The following GLRB variants were observed in gnomAD, a reference collection of about 807,000 sequenced individuals.
GLRB encodes the protein glycine receptor subunit beta.
In GLRB, 33 loss-of-function variants were observed where a neutral mutation model predicts 54.2. The ratio of observed to expected loss-of-function variants is 0.61; its 90% CI spans 0.46 to 0.81. The LOEUF (loss-of-function observed/expected upper bound fraction) is 0.81, where lower values mean the gene tolerates loss of function less well. Among genes scored for constraint, GLRB ranks in the 40% least tolerant of loss-of-function variants. The pLI, the probability that GLRB is intolerant of heterozygous loss-of-function variation, is 0.00. For missense variants in GLRB, 572 were observed against 584.6 expected (o/e 0.98, Z 0.22); for synonymous variants, 209 against 208.2 (o/e 1.00, Z -0.03).
chr4:157,158,896 C>T (rs1222429970), intron 9 of GLRB, among the ~76,000 whole-genome samples: 1 of 152,080 alleles, frequency 6.6e-6, no homozygotes, highest in East Asian at 1.9e-4. Flanking sequence ...GATGGGATGG[C>T]ATTGAATCTA....
At chr4:157,165,909 T>TG (rs1737689500) in intron 9 of GLRB, among the ~76,000 whole-genome samples, 3 of 152,054 alleles carry the variant, frequency 2.0e-5, no homozygotes, top group Non-Finnish European at 2.9e-5. Context: ...AATGATTTAA[T>TG]GGACTTAAAT....
intron 9 of GLRB, 127 bp downstream of exon 9, chr4:157,153,137 AAAAC>A: frequency 1.2e-6 from 1 of 853,980 alleles, no homozygotes; most frequent in Admixed American, 2.0e-5. Flanking sequence ...CTCACAGATG[AAAAC>A]AAACTGAGCA....
At chr4:157,169,520 C>A (rs1737839482) in intron 9 of GLRB, among the ~76,000 whole-genome samples, 1 of 152,084 alleles carries the variant, frequency 6.6e-6, no homozygotes, top group Non-Finnish European at 1.5e-5. Context: ...CAAGTCCCTG[C>A]AGTCTGCCCT....
chr4:157,156,656 A>G (rs1560974225), intron 9 of GLRB, among the ~76,000 whole-genome samples: 1 of 151,918 alleles, frequency 6.6e-6, no homozygotes, highest in South Asian at 2.1e-4. Flanking sequence ...TGAGTTTTAC[A>G]GTTTCCATTT....
chr4:157,167,082 A>T (rs559651646), intron 9 of GLRB, among the ~76,000 whole-genome samples: 1 of 152,268 alleles, frequency 6.6e-6, no homozygotes, highest in South Asian at 2.1e-4. Context: ...TTCTAAATAT[A>T]CTTGGTTTTA....
chr4:157,117,244 A>G (rs750954319), intron 2 of GLRB, among the ~76,000 whole-genome samples: 12 of 151,710 alleles, frequency 7.9e-5, no homozygotes, highest in African/African-American at 2.9e-4. Flanking sequence ...CACTTACACT[A>G]TGGCAGGCTT....
intron 9 of GLRB, among the ~76,000 whole-genome samples, chr4:157,154,423 CTTTTTTT>C (rs778002566): frequency 1.9e-5 from 2 of 103,462 alleles, no homozygotes; most frequent in Non-Finnish European, 3.9e-5. Context: ...CTTCTTTTTC[CTTTTTTT>C]TTTTTTTTTT....
At position 157,171,272 on chromosome 4, in the gene GLRB, T is replaced by C. The variant is rs1737913633; in HGVS notation, c.*544T>C. On this transcript the variant is annotated 3_prime_UTR_variant, in exon 10 of 10. Transcript: ENST00000264428. ...CTGTGGAGAAATAAAGTTCAAAATA[T>C]ATTAATTTGTAAAATCAGCTCGTTT... 1 of 152,256 alleles carries C rather than the reference T, an allele frequency of 6.6e-6. No homozygotes were observed. Among genetic ancestry groups the C allele is most frequent in the African/African-American group, 2.4e-5 (1 of 41,446 alleles). The allele number at this position is 152,256 out of a possible 1,614,324, so 9.4% of individuals were successfully genotyped here. A position where few individuals can be genotyped will look rare whatever the true frequency, so the allele number is the denominator to read the frequency against.
intron 2 of GLRB, among the ~76,000 whole-genome samples, chr4:157,105,618 G>A (rs1402113375): frequency 6.6e-6 from 1 of 151,972 alleles, no homozygotes; most frequent in East Asian, 1.9e-4. Context: ...GGGTATTGAA[G>A]TCTCCTGCTA....
chr4:157,111,502 T>C (rs903787291), intron 2 of GLRB, among the ~76,000 whole-genome samples: 2 of 151,984 alleles, frequency 1.3e-5, no homozygotes, highest in African/African-American at 2.4e-5. Context: ...GATTATATTA[T>C]GCTGTGCTGG....
At chr4:157,162,191 T>G (rs1488466466) in intron 9 of GLRB, among the ~76,000 whole-genome samples, 1 of 152,228 alleles carries the variant, frequency 6.6e-6, no homozygotes, top group Non-Finnish European at 1.5e-5. Flanking sequence ...TCAGGTCATT[T>G]AAGGATTTCT....
chr4:157,123,482 G>A (rs1269587259), intron 4 of GLRB, among the ~76,000 whole-genome samples: 1 of 151,558 alleles, frequency 6.6e-6, no homozygotes, highest in Admixed American at 6.6e-5. Context: ...ATTTAAGCTG[G>A]GTAATGGACA....
At chr4:157,153,065 A>G (rs2126603217) in intron 9 of GLRB, 55 bp downstream of exon 9, 1 of 1,386,928 alleles carries the variant, frequency 7.2e-7, no homozygotes, top group African/African-American at 1.4e-5. Flanking sequence ...CATAGTGTCA[A>G]GAGAGAGACA....
At chr4:157,093,786 T>G (rs1734707522) in intron 2 of GLRB, among the ~76,000 whole-genome samples, 1 of 149,918 alleles carries the variant, frequency 6.7e-6, no homozygotes. Flanking sequence ...AAATACATGG[T>G]TCCCCTTGGC....
intron 2 of GLRB, 61 bp downstream of exon 2, chr4:157,078,207 T>C: frequency 6.2e-7 from 1 of 1,602,002 alleles, no homozygotes; most frequent in Admixed American, 1.7e-5. Flanking sequence ...TTTATAAAAG[T>C]AAGGTGGTTT....
At chr4:157,095,619 G>C (rs1205807782) in intron 2 of GLRB, among the ~76,000 whole-genome samples, 1 of 152,120 alleles carries the variant, frequency 6.6e-6, no homozygotes, top group Non-Finnish European at 1.5e-5. Flanking sequence ...AGAAATGGAA[G>C]AACAGGTGAA....
chr4:157,090,624 T>C (rs1734576147), intron 2 of GLRB, among the ~76,000 whole-genome samples: 1 of 152,216 alleles, frequency 6.6e-6, no homozygotes. Context: ...AATCAGATCA[T>C]TGAACATTTT....
At chr4:157,102,955 A>C (rs1735087741) in intron 2 of GLRB, among the ~76,000 whole-genome samples, 1 of 152,118 alleles carries the variant, frequency 6.6e-6, no homozygotes, top group Non-Finnish European at 1.5e-5. Flanking sequence ...TCACAAGGTC[A>C]GGAGTTTGAG....
At chr4:157,142,881 T>C (rs1000587801) in intron 7 of GLRB, among the ~76,000 whole-genome samples, 11 of 152,210 alleles carry the variant, frequency 7.2e-5, no homozygotes, top group Non-Finnish European at 2.9e-5. Flanking sequence ...TTCGGCATTA[T>C]ATATTATATT....
Sources: allele counts gnomAD v4.1 joint callset (sites outside exome capture counted in the v4.1 genomes callset), GRCh38; gene constraint gnomAD v4.1.1; transcripts MANE v1.5; gene names NCBI Gene and HGNC (gene_info 2026-07-23, HGNC 2026-07-21).